PITPNC1: variants seen among roughly 807,000 people sequenced by gnomAD.
PITPNC1 encodes phosphatidylinositol transfer protein cytoplasmic 1, also known as cytoplasmic phosphatidylinositol transfer protein 1.
In PITPNC1, 18 loss-of-function variants were observed where a neutral mutation model predicts 44.7. The observed-to-expected ratio is 0.40, with a 90% CI of 0.28 to 0.60. PITPNC1 has a LOEUF of 0.60. Ranked by LOEUF, PITPNC1 falls within the 20% of genes least tolerant of loss-of-function variation. PITPNC1 has a pLI of 0.39. For missense variants in PITPNC1, 290 were observed against 418.4 expected, an observed-to-expected ratio of 0.69 and a Z score of 2.68; for synonymous variants, 141 against 149.6, an observed-to-expected ratio of 0.94 and a Z score of 0.42.
At chr17:67,468,443 C>G (rs1198256490) in intron 1 of PITPNC1, among the ~76,000 whole-genome samples, 2 of 149,886 alleles carry the variant, frequency 1.3e-5, no homozygotes, top group Admixed American at 1.3e-4. Flanking sequence ...ACTCTGCCGC[C>G]CAGGCTGGAG....
intron 1 of PITPNC1, among the ~76,000 whole-genome samples, chr17:67,392,113 C>A (rs965971715): frequency 6.6e-6 from 1 of 152,152 alleles, no homozygotes. Flanking sequence ...TTCATGAGCA[C>A]CTGTGAGTTT....
rs1491586865 is a variant in PITPNC1 at position 67,579,642 on chromosome 17, T to TTC, written c.366+1385_366+1386insTC. Among the ~76,000 whole-genome samples the TTC allele has an allele frequency of 5.1e-3, 609 of 119,358 alleles. 5 individuals are homozygous for TTC. The highest frequency in any genetic ancestry group is 0.021 in the African/African-American group (558 of 26,960). The allele number at this position is 119,358 out of a possible 152,430, so 78.3% of individuals were successfully genotyped here. A position where few individuals can be genotyped will look rare whatever the true frequency, so the allele number is the denominator to read the frequency against. On this transcript the variant is annotated intron_variant, in intron 5 of 8. Transcript: ENST00000581322. ...TTTTTTTTTTTTTTTTTTTTTTTTTTCTGATTAGAAAGCAGCCTGGGCGCG... is the reference window on the plus strand; with the variant it reads ...TTTTTTTTTTTTTTTTTTTTTTTTTTTCCTGATTAGAAAGCAGCCTGGGCGCG...
intron 5 of PITPNC1, among the ~76,000 whole-genome samples, chr17:67,592,159 T>C (rs1314769890): frequency 1.3e-5 from 2 of 152,130 alleles, no homozygotes; most frequent in South Asian, 2.1e-4. Context: ...GAATACTAAA[T>C]AGTTAAAATG....
chr17:67,412,860 C>G (rs928003959), intron 1 of PITPNC1, among the ~76,000 whole-genome samples: 1 of 152,200 alleles, frequency 6.6e-6, no homozygotes, highest in African/African-American at 2.4e-5. Context: ...GCCACCGCGC[C>G]CGGCCTTCAT....
chr17:67,378,169 G>A lies in PITPNC1; in HGVS notation c.15G>A (p.Glu5=). Residue 5 remains glutamate (E), a synonymous_variant, in exon 1 of 9, where the codon GAG becomes GAA. Transcript: ENST00000581322. ...CCGGCAGGACCATGCTGCTGAAAGA[G>A]TACCGGATCTGCATGCCGCTCACCG... MLLK[E]YRICMPLTVD... 2 of 1,549,038 alleles carry A rather than the reference G, an allele frequency of 1.3e-6. No individual in the cohort carries two copies. Among genetic ancestry groups the A allele is most frequent in the Non-Finnish European group, 1.7e-6 (2 of 1,151,806 alleles).
intron 4 of PITPNC1, among the ~76,000 whole-genome samples, chr17:67,563,726 T>G (rs1029796232): frequency 2.6e-4 from 40 of 152,168 alleles, no homozygotes; most frequent in African/African-American, 7.7e-4. Context: ...CTAAAGACCA[T>G]GAATAAGTGT....
chr17:67,377,853 C>A lies in PITPNC1; in HGVS notation c.-302C>A, dbSNP rs568471985. On this transcript the variant is annotated 5_prime_UTR_variant, in exon 1 of 9. Coordinates refer to ENST00000581322, the MANE Select transcript of PITPNC1 (RefSeq NM_012417.4). ...GGCCGCTCCTACCACCCTGGGCAGC[C>A]GAGCAGAGTCGTCCCCAGCGGGTCT... 6 of 347,646 alleles carry A rather than the reference C, an allele frequency of 1.7e-5. No homozygotes were observed. The highest frequency in any genetic ancestry group is 3.1e-5 in the Non-Finnish European group (6 of 193,744). The allele number at this position is 347,646 out of a possible 1,614,324, so 21.5% of individuals were successfully genotyped here.
At chr17:67,587,487 C>T (rs1326220575) in intron 5 of PITPNC1, among the ~76,000 whole-genome samples, 2 of 146,318 alleles carry the variant, frequency 1.4e-5, no homozygotes, top group Admixed American at 6.6e-5. Flanking sequence ...GAGCGAGACT[C>T]TGTCTCAAAA....
intron 1 of PITPNC1, among the ~76,000 whole-genome samples, chr17:67,468,719 C>T (rs1315269434): frequency 1.5e-5 from 2 of 137,722 alleles, no homozygotes; most frequent in African/African-American, 2.7e-5. Flanking sequence ...TTTTTTGAGA[C>T]GGAGTCTTGT....
intron 1 of PITPNC1, among the ~76,000 whole-genome samples, chr17:67,515,126 C>T (rs1436973386): frequency 6.6e-6 from 1 of 152,178 alleles, no homozygotes; most frequent in East Asian, 1.9e-4. Context: ...CCAGGCTGAC[C>T]TTCATTCCGC....
intron 1 of PITPNC1, among the ~76,000 whole-genome samples, chr17:67,404,500 G>A (rs368001468): frequency 6.6e-6 from 1 of 152,110 alleles, no homozygotes; most frequent in Non-Finnish European, 1.5e-5. Context: ...ATAATCTAAA[G>A]ATATCATTTA....
intron 1 of PITPNC1, among the ~76,000 whole-genome samples, chr17:67,522,714 G>C (rs1197214590): frequency 1.4e-5 from 2 of 143,216 alleles, no homozygotes; most frequent in African/African-American, 5.6e-5. Flanking sequence ...CTGGAGCACA[G>C]TGGTATGATC....
chr17:67,554,721 T>A (rs1023319979), intron 4 of PITPNC1, among the ~76,000 whole-genome samples: 14 of 152,192 alleles, frequency 9.2e-5, no homozygotes, highest in Non-Finnish European at 1.6e-4. Flanking sequence ...CAATAGTTAT[T>A]GAATGACAGA....
At chr17:67,658,896 A>C (rs879092149) in intron 6 of PITPNC1, among the ~76,000 whole-genome samples, 4 of 152,158 alleles carry the variant, frequency 2.6e-5, no homozygotes. Flanking sequence ...CTAAGCCTCA[A>C]GATAGTTGTT....
intron 1 of PITPNC1, chr17:67,457,615 C>T (rs1179360314): frequency 1.3e-5 from 2 of 152,276 alleles, no homozygotes; most frequent in Admixed American, 6.5e-5. Context: ...GTCTTGATCT[C>T]CTGACCTCAT....
chr17:67,565,415 GTAA>G, intron 4 of PITPNC1, among the ~76,000 whole-genome samples: 1 of 149,472 alleles, frequency 6.7e-6, no homozygotes, highest in Middle Eastern at 3.6e-3. Context: ...GTGTGTACTA[GTAA>G]TTTTCCATGG....
chr17:67,640,407 C>T (rs914168771), intron 6 of PITPNC1, among the ~76,000 whole-genome samples: 13 of 152,186 alleles, frequency 8.5e-5, no homozygotes, highest in African/African-American at 3.1e-4. Flanking sequence ...AGGCCAGGCA[C>T]AGTGGTCCAC....
intron 6 of PITPNC1, among the ~76,000 whole-genome samples, chr17:67,645,276 G>A (rs142430915): frequency 2.0e-4 from 30 of 151,878 alleles, no homozygotes; most frequent in Non-Finnish European, 3.7e-4. Context: ...TGAAGGCGGA[G>A]GTTGCGGTGA....
chr17:67,692,024 A>G (rs1262919823), intron 8 of PITPNC1, among the ~76,000 whole-genome samples: 1 of 152,090 alleles, frequency 6.6e-6, no homozygotes, highest in African/African-American at 2.4e-5. Context: ...GAAAAAAAAA[A>G]AAGAAGATAG....
Sources: gnomAD v4.1 joint callset for allele counts (sites outside exome capture counted in the v4.1 genomes callset) on GRCh38, gnomAD v4.1.1 for gene constraint, MANE v1.5 for transcripts, NCBI Gene and HGNC (gene_info 2026-07-23, HGNC 2026-07-21) for gene names.